DNAH8: variants seen among roughly 807,000 people sequenced by gnomAD.
DNAH8 encodes dynein axonemal heavy chain 8.
Under a neutral mutation model 562.1 loss-of-function variants are expected in DNAH8, and 382 were observed. That is an observed-to-expected ratio of 0.68 (90% confidence interval 0.63 to 0.74). DNAH8 has a LOEUF of 0.74. DNAH8 is among the 30% of genes least tolerant of loss of function. The pLI is 0.00. For missense variants in DNAH8, 5,203 were observed against 5,620.4 expected (o/e 0.93, Z 2.37); for synonymous variants, 1,881 against 1,919.4 (o/e 0.98, Z 0.52).
At chr6:38,850,124 T>G in intron 37 of DNAH8, 127 bp from the exon 38 acceptor site, 1 of 835,808 alleles carries the variant, frequency 1.2e-6, no homozygotes, top group Non-Finnish European at 1.8e-6. Flanking sequence ...AAATTGTCTG[T>G]TTAAATTATG....
At chr6:38,809,282 A>G (rs1007043644) in intron 24 of DNAH8, among the ~76,000 whole-genome samples, 2 of 151,870 alleles carry the variant, frequency 1.3e-5, no homozygotes, top group African/African-American at 4.8e-5. Context: ...AAAATATTCA[A>G]ATTTATCAGT....
Position 38,982,291 on chromosome 6 carries a change from C to A in DNAH8, c.12835-55C>A, listed in dbSNP as rs148493440. Reference sequence around the variant, plus strand: ...CCTTAATTTTACTGTATTTTGATAGCAATAAAAATGGAATCAGGTACATGC... The same window carrying A: ...CCTTAATTTTACTGTATTTTGATAGAAATAAAAATGGAATCAGGTACATGC... On this transcript the variant is annotated intron_variant, in intron 85 of 92. Transcript: ENST00000327475. 3,382 of 738,030 alleles carry A rather than the reference C, an allele frequency of 4.6e-3. 95 individuals are homozygous for A. In the Admixed American group the frequency reaches 0.05, roughly 11 times the overall value. 45.7% of individuals were successfully genotyped at this position (738,030 alleles called of 1,614,324 possible).
chr6:38,995,163 T>C (rs894287148), intron 88 of DNAH8, among the ~76,000 whole-genome samples: 7 of 152,038 alleles, frequency 4.6e-5, no homozygotes, highest in South Asian at 2.1e-4. Flanking sequence ...TCAACATTTA[T>C]GGAAAGAATC....
At position 38,883,809 on chromosome 6, in the gene DNAH8, T is replaced by A. The variant is rs72852780; in HGVS notation, c.8137-67T>A. On this transcript the variant is annotated intron_variant, in intron 55 of 92. Coordinates refer to ENST00000327475, the MANE Select transcript of DNAH8 (RefSeq NM_001206927.2). ...AAATTATATTCTACTCTGACAAGAA[T>A]GCTCATTATTTTTAGAAGTATGGAT... is the stretch of plus-strand genomic sequence containing the variant. The A allele has an allele frequency of 0.19, 247,406 of 1,275,472 alleles. 26,219 individuals are homozygous for A. The highest frequency in any genetic ancestry group is 0.22 in the Non-Finnish European group (205,881 of 949,800). 79.0% of individuals were successfully genotyped at this position (1,275,472 alleles called of 1,614,324 possible). A position where few individuals can be genotyped will look rare whatever the true frequency, so the allele number is the denominator to read the frequency against.
intron 1 of DNAH8, among the ~76,000 whole-genome samples, chr6:38,720,500 C>T (rs761320643): frequency 2.6e-5 from 4 of 152,150 alleles, no homozygotes; most frequent in Non-Finnish European, 4.4e-5. Context: ...TTACTAGAAC[C>T]GAGGCAAACC....
chr6:38,936,070 C>G (rs1428854113), intron 77 of DNAH8, among the ~76,000 whole-genome samples: 2 of 151,460 alleles, frequency 1.3e-5, no homozygotes, highest in Admixed American at 1.3e-4. Flanking sequence ...TCTCCCAAGC[C>G]AGACGTGGTG....
chr6:38,751,817 C>T (rs1484725198), intron 9 of DNAH8, among the ~76,000 whole-genome samples: 3 of 152,108 alleles, frequency 2.0e-5, no homozygotes, highest in Non-Finnish European at 4.4e-5. Flanking sequence ...GAACTTAGAG[C>T]AGGATTTCCC....
chr6:38,929,833 C>T (rs1050175295), intron 75 of DNAH8, among the ~76,000 whole-genome samples, 167 bp downstream of exon 75: 4 of 152,014 alleles, frequency 2.6e-5, no homozygotes, highest in East Asian at 3.9e-4. Flanking sequence ...TTTGGTACGT[C>T]GGAAATAAAC....
chr6:39,025,217 C>T (rs1767194727), intron 91 of DNAH8, among the ~76,000 whole-genome samples: 1 of 152,212 alleles, frequency 6.6e-6, no homozygotes, highest in African/African-American at 2.4e-5. Context: ...ATGTAGCTCT[C>T]AAGAGTCATC....
intron 4 of DNAH8, among the ~76,000 whole-genome samples, chr6:38,731,375 T>C (rs1055553038): frequency 1.3e-5 from 2 of 152,258 alleles, no homozygotes; most frequent in Non-Finnish European, 2.9e-5. Context: ...CTATAGTGGC[T>C]GTTTAATTTT....
chr6:38,768,391 C>T (rs368867336), intron 11 of DNAH8, among the ~76,000 whole-genome samples: 1 of 152,176 alleles, frequency 6.6e-6, no homozygotes, highest in East Asian at 1.9e-4. Context: ...CCTCTGCCTC[C>T]TAAGTAGCTG....
chr6:38,832,095 A>G (rs1010874815), intron 30 of DNAH8, among the ~76,000 whole-genome samples: 3 of 152,206 alleles, frequency 2.0e-5, no homozygotes, highest in Non-Finnish European at 2.9e-5. Context: ...GAACTGGATC[A>G]ACCAGAAACA....
chr6:38,863,358 C>T (rs551121758), intron 44 of DNAH8, among the ~76,000 whole-genome samples: 5 of 151,948 alleles, frequency 3.3e-5, no homozygotes, highest in East Asian at 1.9e-4. Flanking sequence ...ACCCGGGAGG[C>T]GGAGGTTGCA....
intron 49 of DNAH8, among the ~76,000 whole-genome samples, chr6:38,871,904 A>AAT (rs1211712713): frequency 6.6e-6 from 1 of 152,182 alleles, no homozygotes; most frequent in Non-Finnish European, 1.5e-5. Context: ...CAGGTGGAGC[A>AAT]ATCTTTGAGG....
rs187203978 is a variant in DNAH8, at chr6:38,809,734, G to T, written c.3257+2018G>T. 1.2e-4 allele frequency among the ~76,000 whole-genome samples: 19 copies of T among 152,058 alleles called. No homozygotes were observed. In the East Asian group the frequency reaches 3.5e-3, roughly 28 times the overall value. Reference sequence around the variant, plus strand: ...TTCATTGCTGATTTTTAATTTAATTGTACTGTTCAATTCTCCCAGTGTGAT... The same window carrying T: ...TTCATTGCTGATTTTTAATTTAATTTTACTGTTCAATTCTCCCAGTGTGAT... On this transcript the variant is annotated intron_variant, in intron 24 of 92. Coordinates refer to ENST00000327475, the MANE Select transcript of DNAH8 (RefSeq NM_001206927.2).
chr6:38,812,173 A>G (rs777580193), intron 24 of DNAH8, among the ~76,000 whole-genome samples: 12 of 152,158 alleles, frequency 7.9e-5, no homozygotes, highest in Non-Finnish European at 1.5e-4. Context: ...ATATTCCACC[A>G]GAGCCAACCT....
At chr6:38,899,506 G>T (rs970867712) in intron 61 of DNAH8, among the ~76,000 whole-genome samples, 1 of 152,196 alleles carries the variant, frequency 6.6e-6, no homozygotes, top group African/African-American at 2.4e-5. Flanking sequence ...GCACACGCAT[G>T]AACACACACA....
intron 10 of DNAH8, among the ~76,000 whole-genome samples, chr6:38,759,130 T>A (rs1766228980): frequency 6.6e-6 from 1 of 152,060 alleles, no homozygotes; most frequent in Admixed American, 6.6e-5. Context: ...TAGAGAGACC[T>A]TGGCTCTACA....
chr6:38,817,639 G>A (rs1185510922), intron 26 of DNAH8, among the ~76,000 whole-genome samples: 1 of 152,208 alleles, frequency 6.6e-6, no homozygotes, highest in Non-Finnish European at 1.5e-5. Context: ...AGAGGGCAGA[G>A]CTTCAAGTAG....
Sources: allele counts gnomAD v4.1 joint callset (sites outside exome capture counted in the v4.1 genomes callset), GRCh38; gene constraint gnomAD v4.1.1; transcripts MANE v1.5; gene names NCBI Gene and HGNC (gene_info 2026-07-23, HGNC 2026-07-21).